Variants in ZBTB34 observed in about 807,000 individuals in gnomAD.
ZBTB34 encodes the protein zinc finger and BTB domain containing 34.
A neutral mutation model predicts 33.4 loss-of-function variants in ZBTB34; 1 was observed. That is an observed-to-expected ratio of 0.03 (90% CI 0.01 to 0.14). The LOEUF (loss-of-function observed/expected upper bound fraction) is 0.14. Ranked by LOEUF, ZBTB34 falls within the 10% of genes least tolerant of loss-of-function variation. The probability of loss-of-function intolerance (pLI) is 1.00; values close to 1 mark genes in which losing one functional copy is unlikely to be tolerated. For missense variants in ZBTB34, 406 were observed against 657.2 expected (o/e 0.62, Z 4.18); for synonymous variants, 283 against 253.5 (o/e 1.12, Z -1.11).
At chr9:126,867,532 G>T (rs1194327543) in intron 1 of ZBTB34, among the ~76,000 whole-genome samples, 1 of 117,350 alleles carries the variant, frequency 8.5e-6, no homozygotes, top group Non-Finnish European at 1.7e-5. Flanking sequence ...AATTTGATTT[G>T]TAAATTAAGG....
chr9:126,878,632 T>C (rs2033393589), intron 1 of ZBTB34, among the ~76,000 whole-genome samples: 7 of 152,110 alleles, frequency 4.6e-5, no homozygotes, highest in Admixed American at 4.6e-4. Context: ...CTCCATTTAT[T>C]GTATCCAGTG....
intron 1 of ZBTB34, among the ~76,000 whole-genome samples, chr9:126,867,043 A>T (rs961970493): frequency 2.0e-5 from 3 of 151,646 alleles, no homozygotes; most frequent in Admixed American, 1.3e-4. Context: ...ATCAAAGCAT[A>T]CAGATCTACC....
In ZBTB34 at chr9:126,879,801, C is replaced by A. The variant is rs1220767633; in HGVS notation, c.402C>A (p.Ser134Arg). ...TAGAGAGCATCCATTCCAAAATCAG[C>A]GTTGGAGATGTTGACTCTGTTACCG... is the stretch of plus-strand genomic sequence containing the variant. Residue 134 changes from serine to arginine, a missense_variant, in exon 2 of 2, where the codon AGC becomes AGA. Physicochemically the swap from Ser to Arg is moderately radical, Grantham distance 110. Coordinates refer to ENST00000319119, the Ensembl canonical transcript of ZBTB34. The surrounding 1 kb of genome is among the most constrained non-coding windows in gnomAD (Gnocchi z 6.4). The A allele has an allele frequency of 6.2e-7, 1 of 1,613,188 alleles. No individual in the cohort carries two copies. Among genetic ancestry groups the A allele is most frequent in the East Asian group, 2.2e-5 (1 of 44,892 alleles).
chr9:126,869,822 T>C (rs1250668718), intron 1 of ZBTB34, among the ~76,000 whole-genome samples: 5 of 152,150 alleles, frequency 3.3e-5, no homozygotes, highest in Admixed American at 6.6e-5. Context: ...GTCTTTCCAT[T>C]GATTGAGTGA....
At chr9:126,870,734 C>T (rs1483127765) in intron 1 of ZBTB34, among the ~76,000 whole-genome samples, 4 of 152,156 alleles carry the variant, frequency 2.6e-5, no homozygotes, top group Non-Finnish European at 2.9e-5. Context: ...CAAGAACAGC[C>T]TGGCCAACAT....
chr9:126,882,754 T>A (rs2033460361), exon 2 of ZBTB34: 1 of 167,100 alleles, frequency 6.0e-6, no homozygotes, highest in South Asian at 2.1e-4. Context: ...TTTTCTGTGC[T>A]TTTTTGGCTC....
chr9:126,865,944 C>G (rs945931466), intron 1 of ZBTB34, among the ~76,000 whole-genome samples: 1 of 152,148 alleles, frequency 6.6e-6, no homozygotes, highest in Admixed American at 6.5e-5. Context: ...GAGATTGCAC[C>G]ACTGCACTCC....
In ZBTB34 at chr9:126,880,101, G is replaced by C. The variant is rs975947850; in HGVS notation, c.702G>C (p.Gln234His). 4 of 1,613,776 alleles carry C rather than the reference G, an allele frequency of 2.5e-6. No homozygotes were observed. The highest frequency in any genetic ancestry group is 1.1e-5 in the South Asian group (1 of 91,086). ...GAGACCTATTGGTGAGGGAGAGCCA[G>C]ATCACCGAGGTGAAAGTGAAGATGG... The change falls in exon 2 of 2, where the codon CAG becomes CAC. Residue 234 changes from glutamine (Q) to histidine (H), a missense_variant. Around this residue, in one of 6 missense-constraint regions of ZBTB34, gnomAD observed 137 missense variants for 173.0 expected, o/e 0.79. Coordinates refer to ENST00000319119, the Ensembl canonical transcript of ZBTB34. The surrounding 1 kb of genome is among the most constrained non-coding windows in gnomAD (Gnocchi z 6.7).
Position 126,880,206 on chromosome 9 carries a change from A to G in ZBTB34, c.807A>G (p.Glu269=). ...ACCACACCGAGATGGTTGATGGGGA[A>G]CAAGTTGTGGCAGTGAATGTGGGCT... Residue 269 remains glutamate (E), a synonymous_variant, in exon 2 of 2, where the codon GAA becomes GAG. Transcript: ENST00000319119. The surrounding 1 kb of genome is among the most constrained non-coding windows in gnomAD (Gnocchi z 6.7). 6.2e-7 allele frequency: 1 copy of G among 1,613,828 alleles called. No individual in the cohort carries two copies. Among genetic ancestry groups the G allele is most frequent in the Non-Finnish European group, 8.5e-7 (1 of 1,179,888 alleles).
chr9:126,870,005 C>T (rs904998468), intron 1 of ZBTB34, among the ~76,000 whole-genome samples: 1 of 152,094 alleles, frequency 6.6e-6, no homozygotes, highest in Admixed American at 6.6e-5. Flanking sequence ...CGTATCGATA[C>T]TGAAAATAAA....
exon 2 of ZBTB34, chr9:126,881,082 C>T (rs2033434182): frequency 9.3e-6 from 7 of 755,638 alleles, no homozygotes; most frequent in Non-Finnish European, 1.5e-5. Flanking sequence ...TTTCCCCTGC[C>T]CTCCCTCCCC....
At chr9:126,861,257 G>C (rs1327917596) in intron 1 of ZBTB34, among the ~76,000 whole-genome samples, 1 of 152,212 alleles carries the variant, frequency 6.6e-6, no homozygotes, top group Non-Finnish European at 1.5e-5. Flanking sequence ...GGCGGCGACG[G>C]GTTGCGCTTG....
chr9:126,871,290 T>G (rs550409842), intron 1 of ZBTB34, among the ~76,000 whole-genome samples: 1 of 151,976 alleles, frequency 6.6e-6, no homozygotes, highest in East Asian at 1.9e-4. Context: ...CGTTGTGATA[T>G]AGCCATCCAT....
Position 126,879,830 on chromosome 9 carries a change from G to A in ZBTB34, c.431G>A (p.Gly144Asp). 1 of 1,613,206 alleles carries A rather than the reference G, an allele frequency of 6.2e-7. No homozygotes were observed. Among genetic ancestry groups the A allele is most frequent in the Non-Finnish European group, 8.5e-7 (1 of 1,179,882 alleles). Residue 144 changes from glycine (G) to aspartate (D), a missense_variant, in exon 2 of 2, where the codon GGT becomes GAT. Around this residue, in one of 6 missense-constraint regions of ZBTB34, gnomAD observed 137 missense variants for 173.0 expected, o/e 0.79. Transcript: ENST00000319119. The surrounding 1 kb of genome is among the most constrained non-coding windows in gnomAD (Gnocchi z 6.4). ...GGAGATGTTGACTCTGTTACCGTCG[G>A]TGCTGAAGAGAATCCCGAGAGTCGA...
Position 126,879,184 on chromosome 9 carries a change from T to C in ZBTB34, c.-10-206T>C, listed in dbSNP as rs1486871611. 6.6e-6 allele frequency among the ~76,000 whole-genome samples: 1 copy of C among 152,232 alleles called. No individual in the cohort carries two copies. The highest frequency in any genetic ancestry group is 1.9e-4 in the East Asian group (1 of 5,200). On this transcript the variant is annotated intron_variant, in intron 1 of 1. Coordinates refer to ENST00000319119, the Ensembl canonical transcript of ZBTB34. The surrounding 1 kb of genome is among the most constrained non-coding windows in gnomAD (Gnocchi z 6.4). ...GATCAAGATGAATATTAGGCAATTA[T>C]GACATTAGGCTAATTGATCATTAGT...
At chr9:126,877,361 A>G (rs1165458427) in intron 1 of ZBTB34, among the ~76,000 whole-genome samples, 1 of 152,212 alleles carries the variant, frequency 6.6e-6, no homozygotes, top group Non-Finnish European at 1.5e-5. Flanking sequence ...AGTTGAAGAC[A>G]TGAGTAAACT....
At chr9:126,871,180 GGGGTGTGTGTGT>G (rs1370437558) in intron 1 of ZBTB34, among the ~76,000 whole-genome samples, 9 of 69,076 alleles carry the variant, frequency 1.3e-4, no homozygotes, top group South Asian at 3.6e-4. Context: ...GTAAGTGAGG[GGGGTGTGTGTGT>G]GTGTGTGTGT....
rs189257958 is a variant in ZBTB34, at chr9:126,874,251, C to T, written c.-10-5139C>T. On this transcript the variant is annotated intron_variant, in intron 1 of 1. Transcript: ENST00000319119. ...ATTTTTAGTAGAGATGGGGTTTCAC[C>T]GTGTTCGCCAGGATGGTCTCAATCT... 6.0e-3 allele frequency among the ~76,000 whole-genome samples: 901 copies of T among 150,148 alleles called. 13 individuals are homozygous for T. Among genetic ancestry groups the T allele is most frequent in the African/African-American group, 0.021 (845 of 40,848 alleles).
In ZBTB34 at chr9:126,880,134, C is replaced by T. The variant is rs377640816; in HGVS notation, c.735C>T (p.Ser245=). 251 of 1,613,690 alleles carry T rather than the reference C, an allele frequency of 1.6e-4. 1 individual carries two copies. In the African/African-American group the frequency reaches 2.3e-3, roughly 14 times the overall value. ...AGGTGAAAGTGAAGATGGAGAAGTC[C>T]GACCGGCCCAGCTGTTCCGACAGCT... The change falls in exon 2 of 2, where the codon TCC becomes TCT. Residue 245 remains serine (S), a synonymous_variant. Coordinates refer to ENST00000319119, the Ensembl canonical transcript of ZBTB34. This position sits in a 1 kb window ranked among gnomAD's most constrained non-coding sequence, Gnocchi z 6.7.
Sources: gnomAD v4.1 joint callset for allele counts (sites outside exome capture counted in the v4.1 genomes callset) on GRCh38, gnomAD v4.1.1 for gene constraint, gnomAD v4.1.1 regional missense constraint, Gnocchi (gnomAD v3.1) non-coding constraint, MANE v1.5 for transcripts, NCBI Gene and HGNC (gene_info 2026-07-23, HGNC 2026-07-21) for gene names.